The following HS6ST3 variants were observed in gnomAD, a reference collection of about 807,000 sequenced individuals.
The protein encoded by HS6ST3 is heparan-sulfate 6-O-sulfotransferase 3.
HS6ST3 carries 12 observed loss-of-function variants against 36.7 expected under a neutral mutation model. That is an observed-to-expected ratio of 0.33 (90% CI 0.21 to 0.53). The LOEUF is 0.53. HS6ST3 is among the 20% of genes least tolerant of loss of function. The pLI, the probability that HS6ST3 is intolerant of heterozygous loss-of-function variation, is 0.95. For missense variants in HS6ST3, 584 were observed against 640.9 expected, an observed-to-expected ratio of 0.91 and a Z score of 0.96; for synonymous variants, 240 against 257.5, an observed-to-expected ratio of 0.93 and a Z score of 0.65.
intron 1 of HS6ST3, among the ~76,000 whole-genome samples, chr13:96,680,802 TAAA>T (rs1382812898): frequency 6.6e-6 from 1 of 152,194 alleles, no homozygotes; most frequent in African/African-American, 2.4e-5. Context: ...ATATACTTCA[TAAA>T]AAGTCATTTC....
chr13:96,808,988 G>A (rs1878260250), intron 1 of HS6ST3, among the ~76,000 whole-genome samples: 1 of 152,154 alleles, frequency 6.6e-6, no homozygotes, highest in South Asian at 2.1e-4. Flanking sequence ...AAGTTTTCCT[G>A]AAATGATGGC....
rs2055595918 is a variant in HS6ST3, at chr13:96,428,025, T to C, written c.707+336456T>C. 2.0e-5 allele frequency among the ~76,000 whole-genome samples: 3 copies of C among 152,124 alleles called. No individual in the cohort carries two copies. The South Asian group carries it at 6.2e-4, about 32-fold the overall frequency. ...CATGATGTTGGTATCTGTGGGGTTC[T>C]TTACATAATTAATAATAGTTAGGGA... On this transcript the variant is annotated intron_variant, in intron 1 of 1. Transcript: ENST00000376705.
chr13:96,682,680 G>T (rs1203715476), intron 1 of HS6ST3, among the ~76,000 whole-genome samples: 1 of 152,036 alleles, frequency 6.6e-6, no homozygotes, highest in Non-Finnish European at 1.5e-5. Context: ...TGAATTCATG[G>T]TGGAAACCTC....
At chr13:96,442,819 G>A (rs1274322838) in intron 1 of HS6ST3, among the ~76,000 whole-genome samples, 1 of 146,432 alleles carries the variant, frequency 6.8e-6, no homozygotes, top group African/African-American at 2.5e-5. Flanking sequence ...TAAAGGAATC[G>A]AACTTAAGGA....
chr13:96,688,575 C>G (rs1566430167), intron 1 of HS6ST3, among the ~76,000 whole-genome samples: 1 of 152,028 alleles, frequency 6.6e-6, no homozygotes, highest in Non-Finnish European at 1.5e-5. Context: ...TGATATAGAG[C>G]TTTATTCTAA....
At chr13:96,108,366 G>A (rs148647938) in intron 1 of HS6ST3, among the ~76,000 whole-genome samples, 4 of 152,190 alleles carry the variant, frequency 2.6e-5, no homozygotes, top group East Asian at 1.9e-4. Context: ...TATCAGTGAC[G>A]ATGCGTGCAC....
chr13:96,269,029 G>T (rs9554332), intron 1 of HS6ST3, among the ~76,000 whole-genome samples: 7,083 of 151,992 alleles, frequency 0.047, 278 homozygotes, highest in East Asian at 0.16. Context: ...GAATGATTGT[G>T]TAACTGTTAT....
At chr13:96,252,870 C>CATAAAAGAT (rs2054614087) in intron 1 of HS6ST3, among the ~76,000 whole-genome samples, 1 of 152,030 alleles carries the variant, frequency 6.6e-6, no homozygotes, top group East Asian at 1.9e-4. Flanking sequence ...AGTCAAAGCT[C>CATAAAAGAT]CCTGAGGCCT....
intron 1 of HS6ST3, among the ~76,000 whole-genome samples, chr13:96,349,147 A>C (rs1594759717): frequency 6.6e-6 from 1 of 152,302 alleles, no homozygotes; most frequent in East Asian, 1.9e-4. Context: ...TCTTTTCTGA[A>C]TTGCAATAAT....
At position 96,271,738 on chromosome 13, in the gene HS6ST3, T is replaced by C. The variant is rs775588957; in HGVS notation, c.707+180169T>C. The stretch of plus-strand genomic sequence containing the variant: ...CAATCTCAGTGGGAATTTCATCTGC[T>C]GATCTTAGCAATTCTCAAGAACTAG... On this transcript the variant is annotated intron_variant, in intron 1 of 1. Transcript: ENST00000376705. Among the ~76,000 whole-genome samples the C allele has an allele frequency of 2.5e-4, 38 of 152,178 alleles. 1 individual carries two copies. Among genetic ancestry groups the C allele is most frequent in the South Asian group, 8.3e-4 (4 of 4,830 alleles).
chr13:96,597,279 A>T (rs2138979671), intron 1 of HS6ST3, among the ~76,000 whole-genome samples: 1 of 152,108 alleles, frequency 6.6e-6, no homozygotes, highest in Non-Finnish European at 1.5e-5. Context: ...TCTGTACACA[A>T]ACGCTATGAC....
intron 1 of HS6ST3, among the ~76,000 whole-genome samples, chr13:96,516,464 A>T (rs1014450809): frequency 6.6e-6 from 1 of 152,210 alleles, no homozygotes; most frequent in African/African-American, 2.4e-5. Flanking sequence ...ATAGTCAGTA[A>T]TTATCAATTA....
At chr13:96,253,635 G>A (rs1284190648) in intron 1 of HS6ST3, among the ~76,000 whole-genome samples, 3 of 152,146 alleles carry the variant, frequency 2.0e-5, no homozygotes, top group Non-Finnish European at 2.9e-5. Flanking sequence ...CTGATGTCAT[G>A]CCTCAGTTAC....
intron 1 of HS6ST3, among the ~76,000 whole-genome samples, chr13:96,446,071 G>A (rs2055697298): frequency 6.6e-6 from 1 of 151,494 alleles, no homozygotes; most frequent in Non-Finnish European, 1.5e-5. Context: ...TGCTGGGGAT[G>A]CTGAGGCAGG....
intron 1 of HS6ST3, among the ~76,000 whole-genome samples, chr13:96,521,920 CT>C (rs2056095031): frequency 6.6e-6 from 1 of 152,054 alleles, no homozygotes; most frequent in South Asian, 2.1e-4. Flanking sequence ...TCTTGCTTCT[CT>C]AGTTCTTTTA....
intron 1 of HS6ST3, among the ~76,000 whole-genome samples, chr13:96,573,242 C>T (rs2056307446): frequency 1.3e-5 from 2 of 152,186 alleles, no homozygotes; most frequent in Non-Finnish European, 2.9e-5. Flanking sequence ...TCCCTGTCTA[C>T]TCTTAATGAA....
intron 1 of HS6ST3, among the ~76,000 whole-genome samples, chr13:96,799,443 A>G (rs1019515283): frequency 3.9e-5 from 6 of 152,138 alleles, no homozygotes; most frequent in African/African-American, 1.4e-4. Flanking sequence ...ATGGAATACT[A>G]TGCAGCCATA....
chr13:96,408,513 G>A (rs1402444271), intron 1 of HS6ST3, among the ~76,000 whole-genome samples: 1 of 152,212 alleles, frequency 6.6e-6, no homozygotes, highest in Non-Finnish European at 1.5e-5. Context: ...CGAATAGGCA[G>A]TGTGTTTGCC....
intron 1 of HS6ST3, among the ~76,000 whole-genome samples, chr13:96,218,459 G>A (rs1253167868): frequency 2.0e-5 from 3 of 152,234 alleles, no homozygotes; most frequent in African/African-American, 7.2e-5. Flanking sequence ...AGATCTGGCA[G>A]CGAATGGCTG....
Sources: allele counts gnomAD v4.1 joint callset (sites outside exome capture counted in the v4.1 genomes callset), GRCh38; gene constraint gnomAD v4.1.1; transcripts MANE v1.5; gene names NCBI Gene and HGNC (gene_info 2026-07-23, HGNC 2026-07-21).